ATP10B: variants seen among roughly 807,000 people sequenced by gnomAD.
ATP10B encodes the protein phospholipid-transporting ATPase VB.
In ATP10B, 122 loss-of-function variants were observed where a neutral mutation model predicts 141.2. The observed-to-expected ratio is 0.86, with a 90% CI of 0.75 to 1.00. ATP10B has a LOEUF of 1.00. Among genes scored for constraint, ATP10B ranks in the 50% least tolerant of loss-of-function variants. The pLI, the probability that ATP10B is intolerant of heterozygous loss-of-function variation, is 0.00. For missense variants in ATP10B, 1,876 were observed against 1,825.3 expected, an observed-to-expected ratio of 1.03 and a Z score of -0.51; for synonymous variants, 685 against 692.0, an observed-to-expected ratio of 0.99 and a Z score of 0.16.
chr5:160,708,576 T>C (rs1440583497), intron 3 of ATP10B, among the ~76,000 whole-genome samples: 1 of 152,204 alleles, frequency 6.6e-6, no homozygotes, highest in African/African-American at 2.4e-5. Flanking sequence ...ATGGCTTTGC[T>C]GTCCAGCAGT....
intron 12 of ATP10B, chr5:160,634,011 T>G: frequency 2.6e-6 from 1 of 387,988 alleles, no homozygotes; most frequent in Non-Finnish European, 4.9e-6. Flanking sequence ...TTCCTAAGCC[T>G]TGGTTGTGTG....
Position 160,686,188 on chromosome 5 carries a change from G to T in ATP10B, c.361C>A (p.Pro121Thr). Residue 121 changes from proline (P) to threonine (T), a missense_variant, in exon 6 of 26, where the codon CCA becomes ACA. Coordinates refer to ENST00000327245, the MANE Select transcript of ATP10B (RefSeq NM_025153.3). ...EVFHREITMLPLAIVLFVIMI... is the reference protein window; with the variant it reads ...EVFHREITMLTLAIVLFVIMI... Reference sequence around the variant, plus strand: ...ATGACGAACAGGACAATGGCCAATGGTAACATGGTGATTTCTCTGTGGAAG... The same window carrying T: ...ATGACGAACAGGACAATGGCCAATGTTAACATGGTGATTTCTCTGTGGAAG... The T allele has an allele frequency of 6.2e-7, 1 of 1,613,250 alleles. No individual in the cohort carries two copies. Among genetic ancestry groups the T allele is most frequent in the Non-Finnish European group, 8.5e-7 (1 of 1,179,386 alleles).
the ATP10B span, among the ~76,000 whole-genome samples, chr5:160,891,002 C>CGT: frequency 6.4e-3 from 965 of 151,170 alleles, 8 homozygotes; most frequent in African/African-American, 0.017. Flanking sequence ...TATGTGTGTG[C>CGT]GTGTGTGTGT....
intron 1 of ATP10B, among the ~76,000 whole-genome samples, chr5:160,792,931 C>A (rs913773637): frequency 2.6e-5 from 4 of 152,172 alleles, no homozygotes; most frequent in Non-Finnish European, 5.9e-5. Context: ...GCTCTCAAAG[C>A]ACTTCAGAGC....
chr5:160,778,189 T>G (rs1770472248), intron 2 of ATP10B, among the ~76,000 whole-genome samples: 1 of 152,200 alleles, frequency 6.6e-6, no homozygotes, highest in Non-Finnish European at 1.5e-5. Flanking sequence ...ATAAATAATT[T>G]TAAAGCCATA....
intron 8 of ATP10B, among the ~76,000 whole-genome samples, chr5:160,646,648 T>C (rs1169481856): frequency 6.6e-6 from 1 of 152,198 alleles, no homozygotes. Flanking sequence ...GATTTAATAC[T>C]GGGCTAATGA....
At chr5:160,874,624 T>A in the ATP10B span, among the ~76,000 whole-genome samples, 3 of 152,006 alleles carry the variant, frequency 2.0e-5, no homozygotes, top group Non-Finnish European at 2.9e-5. Context: ...GCAAAGAAGT[T>A]GAAAACTTTG....
At chr5:160,751,815 G>A (rs1005246636) in intron 2 of ATP10B, among the ~76,000 whole-genome samples, 4 of 152,160 alleles carry the variant, frequency 2.6e-5, no homozygotes, top group Admixed American at 1.3e-4. Flanking sequence ...GCACATGGAT[G>A]TGTGCGTGTT....
intron 3 of ATP10B, among the ~76,000 whole-genome samples, chr5:160,692,321 G>A (rs1055264693): frequency 6.6e-6 from 1 of 152,102 alleles, no homozygotes; most frequent in African/African-American, 2.4e-5. Flanking sequence ...ATGATAAAAA[G>A]AATCACTTTT....
At chr5:160,755,746 C>T (rs1211151790) in intron 2 of ATP10B, among the ~76,000 whole-genome samples, 3 of 136,432 alleles carry the variant, frequency 2.2e-5, no homozygotes, top group Admixed American at 1.5e-4. Flanking sequence ...ACTCGGGAGG[C>T]GGAGCTTGCA....
Position 160,640,441 on chromosome 5 carries a change from C to A in ATP10B, c.1000+20G>T. On this transcript the variant is annotated intron_variant, in intron 10 of 25. Transcript: ENST00000327245. ...ATAAATCGATTACTGTGTCCTTGTTCTTTCCAGAACATCCCATACCTACAG... is the reference window on the plus strand; with the variant it reads ...ATAAATCGATTACTGTGTCCTTGTTATTTCCAGAACATCCCATACCTACAG... 6.2e-7 allele frequency: 1 copy of A among 1,611,870 alleles called. No homozygotes were observed. Among genetic ancestry groups the A allele is most frequent in the South Asian group, 1.1e-5 (1 of 90,766 alleles).
In ATP10B at chr5:160,602,819, CTTG is replaced by C. The variant is rs1033888246; in HGVS notation, c.3238-120_3238-118del. 14 of 1,414,184 alleles carry C rather than the reference CTTG, an allele frequency of 9.9e-6. No individual in the cohort carries two copies. The African/African-American group carries it at 1.7e-4, about 17-fold the overall frequency. The allele number at this position is 1,414,184 out of a possible 1,614,324, so 87.6% of individuals were successfully genotyped here. A position where few individuals can be genotyped will look rare whatever the true frequency, so the allele number is the denominator to read the frequency against. On this transcript the variant is annotated intron_variant, in intron 20 of 25. Transcript: ENST00000327245. Reference sequence around the variant, plus strand: ...ACGGCCAGCAGAGTCCTAAAGACCCCTTGTTGTGGTCACTCTTGGGTAGCTTTT... The same window carrying C: ...ACGGCCAGCAGAGTCCTAAAGACCCCTTGTGGTCACTCTTGGGTAGCTTTT...
chr5:160,645,116 T>TAAA (rs55774256), intron 8 of ATP10B, among the ~76,000 whole-genome samples: 96 of 134,416 alleles, frequency 7.1e-4, no homozygotes, highest in African/African-American at 1.2e-3. Context: ...GACTCCATCT[T>TAAA]AAAAAAAAAA....
chr5:160,707,108 G>A (rs372500559), intron 3 of ATP10B, among the ~76,000 whole-genome samples: 4 of 152,054 alleles, frequency 2.6e-5, no homozygotes, highest in Admixed American at 2.0e-4. Context: ...CTGCCACCAC[G>A]CCTCGCTAAT....
intron 24 of ATP10B, among the ~76,000 whole-genome samples, chr5:160,583,760 A>G (rs891405400): frequency 6.6e-6 from 1 of 152,148 alleles, no homozygotes; most frequent in African/African-American, 2.4e-5. Context: ...CAGTCTGGCT[A>G]CAGAAGCTAT....
chr5:160,716,137 T>C (rs1047979033), intron 3 of ATP10B, among the ~76,000 whole-genome samples: 10 of 152,062 alleles, frequency 6.6e-5, no homozygotes, highest in Middle Eastern at 3.2e-3. Context: ...ATTAATTACG[T>C]CATCATTCAG....
At chr5:160,637,501 A>G (rs2127670770) in intron 10 of ATP10B, among the ~76,000 whole-genome samples, 1 of 152,354 alleles carries the variant, frequency 6.6e-6, no homozygotes, top group Admixed American at 6.5e-5. Flanking sequence ...GAGGTGCAAT[A>G]GCAGAGCCTA....
chr5:160,581,532 A>G (rs1212012308), intron 24 of ATP10B, among the ~76,000 whole-genome samples: 1 of 152,018 alleles, frequency 6.6e-6, no homozygotes, highest in East Asian at 1.9e-4. Flanking sequence ...TATGATTTCC[A>G]TTCTTTTGTA....
intron 1 of ATP10B, among the ~76,000 whole-genome samples, chr5:160,820,411 C>CA (rs950837575): frequency 6.6e-5 from 10 of 150,974 alleles, no homozygotes; most frequent in African/African-American, 1.2e-4. Context: ...CAGAAAAAAA[C>CA]AAAAAAAAGC....
Sources: allele counts gnomAD v4.1 joint callset (sites outside exome capture counted in the v4.1 genomes callset), GRCh38; gene constraint gnomAD v4.1.1; transcripts MANE v1.5; gene names NCBI Gene and HGNC (gene_info 2026-07-23, HGNC 2026-07-21).